Variants in NWD2 observed in about 807,000 individuals in gnomAD.
NWD2 encodes NACHT and WD repeat domain containing 2, also known as NACHT and WD repeat domain-containing protein 2.
In NWD2, 37 loss-of-function variants were observed where a neutral mutation model predicts 132.7. The observed-to-expected ratio is 0.28, with a 90% CI of 0.21 to 0.37. The LOEUF (loss-of-function observed/expected upper bound fraction) is 0.37, where lower values mean the gene tolerates loss of function less well. NWD2 is among the 10% of genes least tolerant of loss of function. The pLI is 1.00. For missense variants in NWD2, 1,592 were observed against 2,122.4 expected, an observed-to-expected ratio of 0.75 and a Z score of 4.91; for synonymous variants, 705 against 803.0, an observed-to-expected ratio of 0.88 and a Z score of 2.06.
chr4:37,394,713 A>G (rs570700754), intron 3 of NWD2, among the ~76,000 whole-genome samples: 3 of 150,246 alleles, frequency 2.0e-5, no homozygotes, highest in Admixed American at 6.6e-5. Context: ...ATCCACGTAT[A>G]TAGGAAATTT....
chr4:37,391,403 G>C lies in NWD2; in HGVS notation c.357+34921G>C, dbSNP rs1381042290. On this transcript the variant is annotated intron_variant, in intron 3 of 6. Coordinates refer to ENST00000309447, the MANE Select transcript of NWD2 (RefSeq NM_001144990.2). Reference sequence around the variant, plus strand: ...TCAGATAATGCTCATGCATGAACTGGAGGAAGGAGTGGGTGTATTTTGGTC... The same window carrying C: ...TCAGATAATGCTCATGCATGAACTGCAGGAAGGAGTGGGTGTATTTTGGTC... Among the ~76,000 whole-genome samples the C allele has an allele frequency of 2.6e-5, 4 of 152,222 alleles. No homozygotes were observed. The East Asian group carries it at 7.7e-4, about 29-fold the overall frequency.
chr4:37,254,622 T>C (rs1048550701), intron 1 of NWD2, among the ~76,000 whole-genome samples: 1 of 152,230 alleles, frequency 6.6e-6, no homozygotes, highest in Non-Finnish European at 1.5e-5. Flanking sequence ...TCTTCAAAGC[T>C]TTAGCTTCCA....
intron 2 of NWD2, among the ~76,000 whole-genome samples, chr4:37,355,773 G>A (rs1437231001): frequency 6.6e-6 from 1 of 151,984 alleles, no homozygotes; most frequent in Non-Finnish European, 1.5e-5. Flanking sequence ...TTTCTGTAAG[G>A]CATACCTTTC....
Position 37,445,226 on chromosome 4 carries a change from G to A in NWD2, c.3238G>A (p.Asp1080Asn). The change falls in exon 7 of 7, where the codon GAT (aspartate) becomes AAT (asparagine). Residue 1080 changes from aspartate (D) to asparagine (N), a missense_variant. Physicochemically the swap from Asp to Asn is conservative, Grantham distance 23. This residue lies in a region of NWD2 where 1,071 missense variants were observed against 1,398.0 expected (regional missense o/e 0.77). Transcript: ENST00000309447. This position sits in a 1 kb window ranked among gnomAD's most constrained non-coding sequence, Gnocchi z 4.7. The stretch of plus-strand genomic sequence containing the variant: ...CCTTGCATGGCTCGAAGCCAGCAAA[G>A]ATGTCACTGTCATCGATCTGCTGTA... ...HALAWLEASKDVTVIDLLYGW... is the reference protein window; with the variant it reads ...HALAWLEASKNVTVIDLLYGW... 6 of 1,551,900 alleles carry A rather than the reference G, an allele frequency of 3.9e-6. No individual in the cohort carries two copies. Among genetic ancestry groups the A allele is most frequent in the Non-Finnish European group, 5.2e-6 (6 of 1,147,034 alleles).
In NWD2 at chr4:37,313,546, T is replaced by C. The variant is rs576963763; in HGVS notation, c.152-12390T>C. Among the ~76,000 whole-genome samples the C allele has an allele frequency of 3.3e-5, 5 of 151,138 alleles. 1 individual carries two copies. The highest frequency in any genetic ancestry group is 1.2e-4 in the African/African-American group (5 of 40,446). ...TTTTCTTTATTAGTCTTGCTAGCGG[T>C]CTATCAATTTTGTTGATCCTTTCAA... On this transcript the variant is annotated intron_variant, in intron 1 of 6. Transcript: ENST00000309447.
At chr4:37,270,342 A>G (rs1479764339) in intron 1 of NWD2, among the ~76,000 whole-genome samples, 2 of 151,810 alleles carry the variant, frequency 1.3e-5, no homozygotes, top group African/African-American at 2.4e-5. Flanking sequence ...TTAAACTTCA[A>G]ACAGTAATAA....
chr4:37,396,891 G>T (rs143298671), intron 3 of NWD2, among the ~76,000 whole-genome samples: 4,856 of 152,116 alleles, frequency 0.032, 88 homozygotes, highest in Middle Eastern at 0.065. Context: ...AAATTAGCCG[G>T]GTGTGGTGGT....
At chr4:37,295,776 A>G (rs1314554732) in intron 1 of NWD2, among the ~76,000 whole-genome samples, 1 of 152,190 alleles carries the variant, frequency 6.6e-6, no homozygotes, top group Non-Finnish European at 1.5e-5. Flanking sequence ...TTTCCCTTTC[A>G]GGACAAGTCC....
At chr4:37,395,729 G>A (rs976061776) in intron 3 of NWD2, among the ~76,000 whole-genome samples, 3 of 151,080 alleles carry the variant, frequency 2.0e-5, no homozygotes, top group Non-Finnish European at 2.9e-5. Context: ...GGACCTCAAA[G>A]TACTATTTCT....
chr4:37,336,893 C>A (rs1291165730), intron 2 of NWD2, among the ~76,000 whole-genome samples: 1 of 129,366 alleles, frequency 7.7e-6, no homozygotes, highest in African/African-American at 2.8e-5. Context: ...GGGCCGAGAT[C>A]AAGATCGCAC....
At chr4:37,322,785 T>C (rs529721736) in intron 1 of NWD2, among the ~76,000 whole-genome samples, 5 of 152,122 alleles carry the variant, frequency 3.3e-5, no homozygotes, top group Non-Finnish European at 7.4e-5. Context: ...TCAGGATTTG[T>C]TTAGTGGTAG....
At chr4:37,312,893 T>C (rs2109281832) in intron 1 of NWD2, among the ~76,000 whole-genome samples, 1 of 151,244 alleles carries the variant, frequency 6.6e-6, no homozygotes, top group East Asian at 1.9e-4. Context: ...ATAATCGTGG[T>C]TTTTGTCTTT....
At chr4:37,316,552 A>C (rs1486228020) in intron 1 of NWD2, among the ~76,000 whole-genome samples, 1 of 151,950 alleles carries the variant, frequency 6.6e-6, no homozygotes, top group Non-Finnish European at 1.5e-5. Context: ...GTGATTATTT[A>C]TTTAAATTTT....
chr4:37,301,867 CTTTG>C (rs921421192), intron 1 of NWD2, among the ~76,000 whole-genome samples: 5 of 151,992 alleles, frequency 3.3e-5, no homozygotes, highest in African/African-American at 1.2e-4. Flanking sequence ...AGTTTAAGAA[CTTTG>C]TTTGCTGGAA....
intron 1 of NWD2, among the ~76,000 whole-genome samples, chr4:37,256,347 GA>G (rs563555156): frequency 1.8e-4 from 27 of 152,348 alleles, no homozygotes; most frequent in African/African-American, 6.5e-4. Context: ...TAACTGGTGA[GA>G]AATTCCCTTG....
chr4:37,354,704 T>A (rs1231795749), intron 2 of NWD2, among the ~76,000 whole-genome samples: 2 of 152,186 alleles, frequency 1.3e-5, no homozygotes, highest in Non-Finnish European at 2.9e-5. Context: ...TTGCAGCAGC[T>A]CTGGGAACAT....
At chr4:37,298,794 T>A (rs1718552724) in intron 1 of NWD2, among the ~76,000 whole-genome samples, 1 of 152,156 alleles carries the variant, frequency 6.6e-6, no homozygotes. Flanking sequence ...AAACAGCTAT[T>A]TTATAAATTA....
At position 37,439,729 on chromosome 4, in the gene NWD2, C is replaced by T. The variant is rs976985311; in HGVS notation, c.1296+339C>T. On this transcript the variant is annotated intron_variant, in intron 6 of 6. Transcript: ENST00000309447. The surrounding 1 kb of genome is among the most constrained non-coding windows in gnomAD (Gnocchi z 4.5). ...CAGACAAGGACAAGCCCTCTGGTCA[C>T]TCCAGTCTGCTAAATCAGTCTCCGT... 9.2e-5 allele frequency among the ~76,000 whole-genome samples: 14 copies of T among 152,226 alleles called. No homozygotes were observed. Among genetic ancestry groups the T allele is most frequent in the African/African-American group, 3.4e-4 (14 of 41,454 alleles).
chr4:37,318,020 CTTTTTTTTTTT>C (rs71185128), intron 1 of NWD2, among the ~76,000 whole-genome samples: 2 of 113,364 alleles, frequency 1.8e-5, no homozygotes, highest in Non-Finnish European at 3.4e-5. Flanking sequence ...TTTTTTCTTT[CTTTTTTTTTTT>C]TTTTTTTGAG....
Sources: allele counts gnomAD v4.1 joint callset (sites outside exome capture counted in the v4.1 genomes callset), GRCh38; gene constraint gnomAD v4.1.1; regional missense constraint gnomAD v4.1.1; non-coding constraint Gnocchi (gnomAD v3.1); transcripts MANE v1.5; gene names NCBI Gene and HGNC (gene_info 2026-07-23, HGNC 2026-07-21).